TTI1: variants seen among roughly 807,000 people sequenced by gnomAD.
TTI1 encodes TELO2 interacting protein 1.
Under a neutral mutation model 85.4 loss-of-function variants are expected in TTI1, and 52 were observed. The observed-to-expected ratio is 0.61, with a 90% CI of 0.49 to 0.77. The LOEUF (loss-of-function observed/expected upper bound fraction) is 0.77, where lower values mean the gene tolerates loss of function less well. TTI1 is among the 30% of genes least tolerant of loss of function. The pLI is 0.00. For synonymous variants in TTI1, 512 were observed against 503.9 expected, an observed-to-expected ratio of 1.02 and a Z score of -0.22; for missense variants, 1,173 against 1,296.0, an observed-to-expected ratio of 0.91 and a Z score of 1.46.
rs2037 is a variant in TTI1, at chr20:37,983,262, C to T, written c.*194G>A. The T allele has an allele frequency of 0.52, 301,326 of 582,424 alleles. 82,939 individuals carry two copies. The highest frequency in any genetic ancestry group is 0.86 in the African/African-American group (44,794 of 52,354). The allele number at this position is 582,424 out of a possible 1,614,324, so 36.1% of individuals were successfully genotyped here. A position where few individuals can be genotyped will look rare whatever the true frequency, so the allele number is the denominator to read the frequency against. The stretch of plus-strand genomic sequence containing the variant: ...TCACTTGACAACACAAGGTATGAAA[C>T]ATAAATAATAGTCAGCTACTTTCCT... On this transcript the variant is annotated 3_prime_UTR_variant, in exon 8 of 8. Coordinates refer to ENST00000373447, the MANE Select transcript of TTI1 (RefSeq NM_001303457.2).
intron 7 of TTI1, among the ~76,000 whole-genome samples, chr20:37,993,904 G>C (rs923959531): frequency 1.3e-5 from 2 of 152,228 alleles, no homozygotes; most frequent in Non-Finnish European, 2.9e-5. Flanking sequence ...AGGACTGGAA[G>C]TGGGACCAGT....
intron 2 of TTI1, among the ~76,000 whole-genome samples, chr20:38,006,619 T>C (rs939953088): frequency 2.6e-5 from 4 of 152,222 alleles, no homozygotes; most frequent in Non-Finnish European, 5.9e-5. Context: ...CCGTTCTCTG[T>C]GTCTGGAATA....
At chr20:38,021,174 G>C (rs1457300039) in intron 1 of TTI1, among the ~76,000 whole-genome samples, 1 of 152,192 alleles carries the variant, frequency 6.6e-6, no homozygotes, top group East Asian at 1.9e-4. Context: ...ACCACAATCA[G>C]AGATCTTCAA....
intron 1 of TTI1, among the ~76,000 whole-genome samples, chr20:38,027,391 T>C (rs1408795481): frequency 6.6e-6 from 1 of 152,210 alleles, no homozygotes; most frequent in Non-Finnish European, 1.5e-5. Flanking sequence ...CTTTTACTTT[T>C]TATTTTTTTC....
Position 37,988,303 on chromosome 20 carries a change from G to C in TTI1, c.3087-4664C>G, listed in dbSNP as rs896771354. 3.3e-5 allele frequency among the ~76,000 whole-genome samples: 5 copies of C among 152,284 alleles called. No homozygotes were observed. The South Asian group carries it at 1.0e-3, about 32-fold the overall frequency. ...ATCCCTGGTAGCTCCAACAGACCAC[G>C]AGAGTTTTCAATCATGGGCACTGGA... is the stretch of plus-strand genomic sequence containing the variant. On this transcript the variant is annotated intron_variant, in intron 7 of 7. Coordinates refer to ENST00000373447, the MANE Select transcript of TTI1 (RefSeq NM_001303457.2).
At chr20:37,996,187 A>T (rs2073335471) in intron 7 of TTI1, among the ~76,000 whole-genome samples, 188 bp downstream of exon 7, 1 of 152,168 alleles carries the variant, frequency 6.6e-6, no homozygotes, top group Non-Finnish European at 1.5e-5. Context: ...GCAGAGGAAA[A>T]GGTTACTGGC....
Position 38,020,323 on chromosome 20 carries a change from A to AAAAAAAAATAT in TTI1, c.-41-6467_-41-6466insATATTTTTTTT. ...GGCTACTCATATGAAAAAAAAAAAA[A>AAAAAAAAATAT]ATATATATATATATATATATATATA... On this transcript the variant is annotated intron_variant, in intron 1 of 7. Coordinates refer to ENST00000373447, the MANE Select transcript of TTI1 (RefSeq NM_001303457.2). Among the ~76,000 whole-genome samples the AAAAAAAAATAT allele has an allele frequency of 6.4e-4, 32 of 50,386 alleles. 1 individual carries two copies. Among genetic ancestry groups the AAAAAAAAATAT allele is most frequent in the East Asian group, 3.4e-3 (6 of 1,746 alleles). 33.1% of individuals were successfully genotyped at this position (50,386 alleles called of 152,430 possible).
intron 2 of TTI1, among the ~76,000 whole-genome samples, chr20:38,006,896 T>C (rs556117468): frequency 2.0e-5 from 3 of 152,374 alleles, no homozygotes; most frequent in Non-Finnish European, 2.9e-5. Flanking sequence ...ACTGGAAATC[T>C]AATATGCCCA....
rs142216652 is a variant in TTI1 at position 38,021,754 on chromosome 20, C to T, written c.-41-7897G>A. Reference sequence around the variant, plus strand: ...ACAGCATGAATGAACTCACTGCCCCCGGCAAGCCTATTCCCCTCCCCTCTA... The same window carrying T: ...ACAGCATGAATGAACTCACTGCCCCTGGCAAGCCTATTCCCCTCCCCTCTA... On this transcript the variant is annotated intron_variant, in intron 1 of 7. Transcript: ENST00000373447. 6.9e-3 allele frequency among the ~76,000 whole-genome samples: 1,053 copies of T among 152,256 alleles called. 5 individuals carry two copies. The highest frequency in any genetic ancestry group is 0.02 in the African/African-American group (837 of 41,562).
intron 3 of TTI1, 21 bp from the exon 4 acceptor site, chr20:38,002,797 G>A (rs749993103): frequency 9.9e-6 from 16 of 1,612,116 alleles, no homozygotes; most frequent in Middle Eastern, 1.8e-4. Context: ...AGCACAACTG[G>A]GGGCAGTGTT....
chr20:38,020,323 A>AATAT (rs1159604655), intron 1 of TTI1, among the ~76,000 whole-genome samples: 612 of 50,310 alleles, frequency 0.012, 19 homozygotes, highest in African/African-American at 0.017. Flanking sequence ...AAAAAAAAAA[A>AATAT]ATATATATAT....
At chr20:37,987,651 C>T (rs898776375) in intron 7 of TTI1, among the ~76,000 whole-genome samples, 5 of 152,156 alleles carry the variant, frequency 3.3e-5, no homozygotes, top group Admixed American at 1.3e-4. Context: ...CCTGTAAGGC[C>T]GTGTAGCTTA....
intron 2 of TTI1, among the ~76,000 whole-genome samples, chr20:38,008,212 G>A (rs755551474): frequency 6.6e-6 from 1 of 152,134 alleles, no homozygotes; most frequent in Non-Finnish European, 1.5e-5. Context: ...CTCTTAGAGA[G>A]CAATTTGATA....
chr20:37,987,042 G>A (rs2073199331), intron 7 of TTI1: 1 of 398,416 alleles, frequency 2.5e-6, no homozygotes, highest in East Asian at 7.2e-5. Flanking sequence ...GCTGGCAAGT[G>A]TAGCTGTGCT....
At chr20:38,028,267 A>T (rs2073860793) in intron 1 of TTI1, among the ~76,000 whole-genome samples, 1 of 152,210 alleles carries the variant, frequency 6.6e-6, no homozygotes, top group South Asian at 2.1e-4. Context: ...ATCTAACTAC[A>T]CGCTGTCTAT....
intron 3 of TTI1, among the ~76,000 whole-genome samples, chr20:38,005,634 G>A (rs187868825): frequency 6.6e-6 from 1 of 152,232 alleles, no homozygotes; most frequent in East Asian, 1.9e-4. Context: ...TGTTGGTAAG[G>A]CTGTGGTGAA....
chr20:37,999,438 T>C, intron 4 of TTI1, 110 bp from the exon 5 acceptor site: 1 of 1,190,648 alleles, frequency 8.4e-7, no homozygotes, highest in Non-Finnish European at 1.1e-6. Flanking sequence ...TGGATAATTG[T>C]TTTCTGAGTG....
In TTI1 at chr20:38,012,641, T is replaced by G. The variant is rs766524299; in HGVS notation, c.1176A>C (p.Gln392His). The G allele has an allele frequency of 8.7e-6, 14 of 1,614,070 alleles. No individual in the cohort carries two copies. In the South Asian group the frequency reaches 1.3e-4, roughly 15 times the overall value. Residue 392 changes from glutamine (Q) to histidine (H), a missense_variant, in exon 2 of 8, where the codon CAA (glutamine) becomes CAC (histidine). Coordinates refer to ENST00000373447, the MANE Select transcript of TTI1 (RefSeq NM_001303457.2). Reference protein sequence around the residue: ...ATSLPRLMNSQDDQGKFSTLS... With the variant: ...ATSLPRLMNSHDDQGKFSTLS... ...GAGTAGAGAATTTGCCCTGGTCATC[T>G]TGGGAGTTCATTAGGCGAGGAAGAG... is the stretch of plus-strand genomic sequence containing the variant.
intron 5 of TTI1, among the ~76,000 whole-genome samples, chr20:37,997,251 TAA>T (rs200125660): frequency 1.3e-4 from 19 of 143,286 alleles, no homozygotes; most frequent in Admixed American, 2.8e-4. Context: ...CCATTTTTGT[TAA>T]AAAAAAAAAA....
Sources: gnomAD v4.1 joint callset for allele counts (sites outside exome capture counted in the v4.1 genomes callset) on GRCh38, gnomAD v4.1.1 for gene constraint, MANE v1.5 for transcripts, NCBI Gene and HGNC (gene_info 2026-07-23, HGNC 2026-07-21) for gene names.